The following GNPTAB variants were observed in gnomAD, a reference collection of about 807,000 sequenced individuals.
GNPTAB encodes N-acetylglucosamine-1-phosphotransferase subunits alpha/beta.
In GNPTAB, 92 loss-of-function variants were observed where a neutral mutation model predicts 136.6. The ratio of observed to expected loss-of-function variants is 0.67; its 90% confidence interval spans 0.57 to 0.80. GNPTAB has a LOEUF of 0.80. GNPTAB is among the 30% of genes least tolerant of loss of function. The probability of loss-of-function intolerance (pLI) is 0.00; values close to 1 mark genes in which losing one functional copy is unlikely to be tolerated. For missense variants in GNPTAB, 1,343 were observed against 1,501.8 expected (o/e 0.89, Z 1.75); for synonymous variants, 512 against 535.1 (o/e 0.96, Z 0.60).
chr12:101,799,868 G>GTGGGGT (rs1869513753), intron 1 of GNPTAB, among the ~76,000 whole-genome samples: 1 of 151,278 alleles, frequency 6.6e-6, no homozygotes, highest in South Asian at 2.1e-4. Context: ...TGGGGTGGGG[G>GTGGGGT]TGGGAGGGAA....
At chr12:101,769,883 C>T (rs769009943) in intron 10 of GNPTAB, 138 bp downstream of exon 10, 12 of 887,516 alleles carry the variant, frequency 1.4e-5, no homozygotes, top group East Asian at 2.4e-5. Flanking sequence ...CACCCACCTC[C>T]GCCTCCCAAA....
chr12:101,797,387 G>C (rs1050081141), intron 1 of GNPTAB, among the ~76,000 whole-genome samples: 2 of 152,120 alleles, frequency 1.3e-5, no homozygotes, highest in African/African-American at 4.8e-5. Context: ...CACTTTGGGA[G>C]GCTGAGGAGG....
chr12:101,766,367 G>A (rs1953093506), intron 11 of GNPTAB, 73 bp from the exon 12 acceptor site: 13 of 1,315,218 alleles, frequency 9.9e-6, no homozygotes, highest in South Asian at 8.3e-5. Flanking sequence ...ACTGGGTGTG[G>A]TGGCTGACGC....
intron 1 of GNPTAB, among the ~76,000 whole-genome samples, chr12:101,803,905 G>A (rs1198676165): frequency 2.0e-5 from 3 of 152,182 alleles, no homozygotes; most frequent in South Asian, 2.1e-4. Flanking sequence ...TGCCAGTTGG[G>A]GAGTAGGGAA....
chr12:101,821,238 G>T (rs549521239), intron 1 of GNPTAB, among the ~76,000 whole-genome samples: 17 of 152,292 alleles, frequency 1.1e-4, no homozygotes, highest in African/African-American at 4.1e-4. Flanking sequence ...CTTGTCAGCA[G>T]GAGCCAAGTC....
intron 11 of GNPTAB, 108 bp from the exon 12 acceptor site, chr12:101,766,402 C>A: frequency 1.1e-6 from 1 of 941,600 alleles, no homozygotes; most frequent in Non-Finnish European, 1.7e-6. Context: ...CTTTGGGAGG[C>A]AGAGGAGGCT....
In GNPTAB at chr12:101,766,128, G is replaced by C; in HGVS notation, c.1575C>G (p.Val525=). The change falls in exon 12 of 21, where the codon GTC becomes GTG. Residue 525 remains valine (V), a synonymous_variant. Transcript: ENST00000299314. ...ADKFCDQACN[V]LSCGFDAGDC... is the part of the protein sequence containing the mutation. ...CGCCAGCATCAAACCCACAGGACAA[G>C]ACATTGCATGCTTGGTCACAGAACT... 1 of 1,614,124 alleles carries C rather than the reference G, an allele frequency of 6.2e-7. No individual in the cohort carries two copies. Among genetic ancestry groups the C allele is most frequent in the Non-Finnish European group, 8.5e-7 (1 of 1,180,020 alleles).
At chr12:101,775,242 C>G (rs796085306) in intron 7 of GNPTAB, among the ~76,000 whole-genome samples, 2 of 152,172 alleles carry the variant, frequency 1.3e-5, no homozygotes, top group South Asian at 2.1e-4. Flanking sequence ...ATTTTGGATT[C>G]ATTTGATTTA....
At chr12:101,780,054 T>C in intron 7 of GNPTAB, 98 bp downstream of exon 7, 1 of 1,172,260 alleles carries the variant, frequency 8.5e-7, no homozygotes, top group South Asian at 1.2e-5. Context: ...CTTATGTTTA[T>C]CAGCTAAACT....
chr12:101,766,375 C>G lies in GNPTAB; in HGVS notation c.1409-81G>C, dbSNP rs1416539449. 3.3e-6 allele frequency: 4 copies of G among 1,214,180 alleles called. No individual in the cohort carries two copies. The Admixed American group carries it at 6.9e-5, about 21-fold the overall frequency. 75.2% of individuals were successfully genotyped at this position (1,214,180 alleles called of 1,614,324 possible). On this transcript the variant is annotated intron_variant, in intron 11 of 20. Coordinates refer to ENST00000299314, the MANE Select transcript of GNPTAB (RefSeq NM_024312.5). ...GTTCTGGACTGGGTGTGGTGGCTGA[C>G]GCCTGTAATCTCAACACTTTGGGAG... is the stretch of plus-strand genomic sequence containing the variant.
At chr12:101,763,873 G>A (rs536983116) in intron 13 of GNPTAB, among the ~76,000 whole-genome samples, 17 of 152,200 alleles carry the variant, frequency 1.1e-4, no homozygotes, top group Admixed American at 9.8e-4. Context: ...AGTAAAGCTG[G>A]AAAAATACCA....
At chr12:101,747,346 T>C (rs149975372) in intron 20 of GNPTAB, 105 bp from the exon 21 acceptor site, 9 of 697,920 alleles carry the variant, frequency 1.3e-5, no homozygotes, top group Non-Finnish European at 2.1e-5. Context: ...ATTTCCACAA[T>C]CTTATACATT....
At chr12:101,807,868 C>T (rs1424156424) in intron 1 of GNPTAB, among the ~76,000 whole-genome samples, 2 of 152,040 alleles carry the variant, frequency 1.3e-5, no homozygotes, top group South Asian at 2.1e-4. Context: ...GCCTGTGCAA[C>T]GGTAAGACTC....
chr12:101,759,671 T>C (rs1952962663), intron 16 of GNPTAB, among the ~76,000 whole-genome samples: 1 of 152,198 alleles, frequency 6.6e-6, no homozygotes, highest in African/African-American at 2.4e-5. Flanking sequence ...TTAAAGCAAT[T>C]CAGCTTTGAT....
chr12:101,753,575 A>T, intron 18 of GNPTAB, 36 bp from the exon 19 acceptor site: 2 of 1,554,786 alleles, frequency 1.3e-6, no homozygotes, highest in South Asian at 2.2e-5. Flanking sequence ...TTAGTTACAT[A>T]TGGATAATCC....
chr12:101,830,958 G>C lies in GNPTAB; in HGVS notation c.-283C>G, dbSNP rs1871348816. 1.3e-5 allele frequency: 2 copies of C among 150,156 alleles called. No individual in the cohort carries two copies. Among genetic ancestry groups the C allele is most frequent in the South Asian group, 4.1e-4 (2 of 4,884 alleles). The allele number at this position is 150,156 out of a possible 1,614,324, so 9.3% of individuals were successfully genotyped here. ...GGGTCTGGCCGGGCGAGAGGCGGCT[G>C]CGGCGGCGGCGGGGTCTCCAGCGCC... On this transcript the variant is annotated 5_prime_UTR_variant, in exon 1 of 21. Coordinates refer to ENST00000299314, the MANE Select transcript of GNPTAB (RefSeq NM_024312.5).
intron 18 of GNPTAB, among the ~76,000 whole-genome samples, chr12:101,755,130 GATAC>G (rs77268395): frequency 0.019 from 2,861 of 152,172 alleles, 44 homozygotes; most frequent in Middle Eastern, 0.048. Flanking sequence ...ATATTTTGGA[GATAC>G]ATACAAAAAA....
intron 1 of GNPTAB, among the ~76,000 whole-genome samples, chr12:101,803,365 G>C (rs977103744): frequency 1.3e-5 from 2 of 152,188 alleles, no homozygotes; most frequent in Non-Finnish European, 2.9e-5. Flanking sequence ...TAACCAGGAA[G>C]TAAAATCTGC....
chr12:101,788,875 G>T (rs554016668), intron 3 of GNPTAB, among the ~76,000 whole-genome samples: 1 of 152,266 alleles, frequency 6.6e-6, no homozygotes, highest in African/African-American at 2.4e-5. Context: ...GAATCAAAGG[G>T]GAATTACATC....
Sources: allele counts gnomAD v4.1 joint callset (sites outside exome capture counted in the v4.1 genomes callset), GRCh38; gene constraint gnomAD v4.1.1; transcripts MANE v1.5; gene names NCBI Gene and HGNC (gene_info 2026-07-23, HGNC 2026-07-21).